The following TNPO3 variants were observed in gnomAD, a reference collection of about 807,000 sequenced individuals.
TNPO3 encodes transportin 3.
Under a neutral mutation model 122.8 loss-of-function variants are expected in TNPO3, and 65 were observed. That is an observed-to-expected ratio of 0.53 (90% confidence interval 0.43 to 0.65). The LOEUF is 0.65. TNPO3 is among the 30% of genes least tolerant of loss of function. TNPO3 has a pLI of 0.00. For missense variants in TNPO3, 850 were observed against 1,136.7 expected, an observed-to-expected ratio of 0.75 and a Z score of 3.63; for synonymous variants, 372 against 411.2, an observed-to-expected ratio of 0.90 and a Z score of 1.15.
intron 12 of TNPO3, among the ~76,000 whole-genome samples, chr7:128,984,513 C>T (rs1257569700): frequency 2.6e-5 from 4 of 151,752 alleles, no homozygotes; most frequent in Non-Finnish European, 1.5e-5. Context: ...CTTTTAAAAT[C>T]TCCTTCACAA....
intron 4 of TNPO3, among the ~76,000 whole-genome samples, chr7:129,007,047 T>C (rs1220966647): frequency 6.6e-6 from 1 of 152,134 alleles, no homozygotes; most frequent in African/African-American, 2.4e-5. Flanking sequence ...GGAAGAAAAG[T>C]ACATGAAAAA....
chr7:129,033,227 G>A (rs956467406), intron 1 of TNPO3, among the ~76,000 whole-genome samples: 3 of 152,170 alleles, frequency 2.0e-5, no homozygotes, highest in Non-Finnish European at 2.9e-5. Context: ...AAGCCTAGGG[G>A]AAAAGCTTCA....
intron 21 of TNPO3, among the ~76,000 whole-genome samples, chr7:128,960,918 C>A (rs1797385617): frequency 1.3e-5 from 2 of 152,026 alleles, no homozygotes; most frequent in Admixed American, 1.3e-4. Context: ...CACCACCACG[C>A]CTGGCTAATT....
chr7:129,027,587 AAAAAC>A (rs1485056737), intron 1 of TNPO3, among the ~76,000 whole-genome samples: 4,674 of 96,930 alleles, frequency 0.048, 382 homozygotes, highest in Non-Finnish European at 0.075. Context: ...AAAAAAAAAA[AAAAAC>A]AACACAAAAA....
At chr7:128,992,701 C>T (rs1585339614) in intron 9 of TNPO3, among the ~76,000 whole-genome samples, 1 of 152,154 alleles carries the variant, frequency 6.6e-6, no homozygotes, top group Non-Finnish European at 1.5e-5. Context: ...ATAACAGACA[C>T]TGCTAGGAAA....
chr7:129,017,008 C>G lies in TNPO3; in HGVS notation c.370G>C (p.Gly124Arg). The G allele has an allele frequency of 6.2e-7, 1 of 1,613,078 alleles. No individual in the cohort carries two copies. The highest frequency in any genetic ancestry group is 8.5e-7 in the Non-Finnish European group (1 of 1,179,934). Reference sequence around the variant, plus strand: ...TTTTCCACCAGTGTTTGCACACATCCCTTCCAGGAAGGCATCTGTAGGGCA... The same window carrying G: ...TTTTCCACCAGTGTTTGCACACATCGCTTCCAGGAAGGCATCTGTAGGGCA... ...DLALQMPSWK[G>R]CVQTLVEKYS... The change falls in exon 3 of 23, where the codon GGA becomes CGA. Residue 124 changes from glycine (G) to arginine (R), a missense_variant. By Grantham distance (125) the Gly-to-Arg change is moderately radical. Coordinates refer to ENST00000265388, the MANE Select transcript of TNPO3 (RefSeq NM_012470.4).
intron 10 of TNPO3, 32 bp from the exon 11 acceptor site, chr7:128,990,132 T>C: frequency 1.9e-6 from 3 of 1,614,014 alleles, no homozygotes; most frequent in Non-Finnish European, 2.5e-6. Flanking sequence ...TCACAGTTAC[T>C]GATTTCAGAG....
chr7:128,989,069 T>G (rs1268197197), intron 11 of TNPO3, among the ~76,000 whole-genome samples: 1 of 151,996 alleles, frequency 6.6e-6, no homozygotes, highest in Non-Finnish European at 1.5e-5. Flanking sequence ...AGAGCGAGAC[T>G]CTATCTCAAA....
chr7:128,963,032 C>T (rs929487926), intron 21 of TNPO3, among the ~76,000 whole-genome samples: 6 of 152,170 alleles, frequency 3.9e-5, no homozygotes, highest in African/African-American at 1.4e-4. Flanking sequence ...TTAGAGTCAA[C>T]AGGAGACATG....
chr7:128,963,247 G>A (rs1797637601), intron 21 of TNPO3, among the ~76,000 whole-genome samples: 1 of 152,124 alleles, frequency 6.6e-6, no homozygotes, highest in South Asian at 2.1e-4. Flanking sequence ...AGGGTATGTG[G>A]CAAGATTCAA....
chr7:128,993,200 C>T (rs1237246270), intron 9 of TNPO3, among the ~76,000 whole-genome samples: 1 of 150,850 alleles, frequency 6.6e-6, no homozygotes, highest in Non-Finnish European at 1.5e-5. Flanking sequence ...TATTTCAGAG[C>T]TCATTAGAAT....
At chr7:129,012,177 T>C (rs1238682992) in intron 4 of TNPO3, among the ~76,000 whole-genome samples, 4 of 151,864 alleles carry the variant, frequency 2.6e-5, no homozygotes, top group African/African-American at 4.8e-5. Flanking sequence ...GGCTAATTTT[T>C]GTATTTTTAG....
chr7:129,029,546 T>A (rs931236587), intron 1 of TNPO3: 8 of 152,362 alleles, frequency 5.3e-5, no homozygotes, highest in African/African-American at 1.9e-4. Flanking sequence ...AGAATGTAAC[T>A]GCTTAATACT....
At chr7:128,989,275 T>C (rs755554987) in intron 11 of TNPO3, among the ~76,000 whole-genome samples, 3 of 152,170 alleles carry the variant, frequency 2.0e-5, no homozygotes, top group Non-Finnish European at 4.4e-5. Flanking sequence ...TCAAACTTAA[T>C]GATATAATAC....
At chr7:129,005,972 C>T (rs545058571) in intron 4 of TNPO3, among the ~76,000 whole-genome samples, 13 of 151,868 alleles carry the variant, frequency 8.6e-5, no homozygotes, top group East Asian at 1.9e-4. Context: ...TTAGTAGACA[C>T]GGGTTTCACC....
At chr7:129,047,609 A>AAAGC (rs1808209403) in intron 1 of TNPO3, among the ~76,000 whole-genome samples, 1 of 152,234 alleles carries the variant, frequency 6.6e-6, no homozygotes, top group Non-Finnish European at 1.5e-5. Flanking sequence ...AGTACAGGCT[A>AAAGC]AAGCATATTC....
intron 20 of TNPO3, among the ~76,000 whole-genome samples, chr7:128,968,552 T>A (rs1287351190): frequency 6.6e-6 from 1 of 152,312 alleles, no homozygotes; most frequent in East Asian, 1.9e-4. Flanking sequence ...CTTTTATACC[T>A]AATTTTTTTT....
chr7:129,022,252 G>A (rs1413102073), intron 1 of TNPO3, among the ~76,000 whole-genome samples: 1 of 151,992 alleles, frequency 6.6e-6, no homozygotes, highest in Non-Finnish European at 1.5e-5. Flanking sequence ...GGGTGTGGTG[G>A]TATGTGCCTG....
At chr7:128,962,738 T>C (rs886744860) in intron 21 of TNPO3, among the ~76,000 whole-genome samples, 1 of 152,208 alleles carries the variant, frequency 6.6e-6, no homozygotes, top group Non-Finnish European at 1.5e-5. Flanking sequence ...GCAAAACTTG[T>C]TTAGCAATGG....
Sources: gnomAD v4.1 joint callset for allele counts (sites outside exome capture counted in the v4.1 genomes callset) on GRCh38, gnomAD v4.1.1 for gene constraint, MANE v1.5 for transcripts, NCBI Gene and HGNC (gene_info 2026-07-23, HGNC 2026-07-21) for gene names.